Variants in NASP observed in about 807,000 individuals in gnomAD.
NASP encodes the protein NASP histone chaperone.
In NASP, 24 loss-of-function variants were observed where a neutral mutation model predicts 89.5. The ratio of observed to expected loss-of-function variants is 0.27; its 90% CI spans 0.19 to 0.38. The LOEUF is 0.38. NASP is among the 10% of genes least tolerant of loss of function. The probability of loss-of-function intolerance (pLI) is 1.00; values close to 1 mark genes in which losing one functional copy is unlikely to be tolerated. For synonymous variants in NASP, 306 were observed against 324.7 expected (o/e 0.94, Z 0.62); for missense variants, 848 against 921.4 (o/e 0.92, Z 1.03).
chr1:45,615,800 T>G (rs1644095342), intron 11 of NASP: 2 of 242,462 alleles, frequency 8.2e-6, no homozygotes, highest in African/African-American at 4.6e-5. Flanking sequence ...TTTTGGAATA[T>G]TTGCATCATA....
intron 7 of NASP, among the ~76,000 whole-genome samples, chr1:45,613,722 A>G (rs916995787): frequency 1.3e-5 from 2 of 152,006 alleles, no homozygotes; most frequent in African/African-American, 4.8e-5. Flanking sequence ...ACCTGGCTTC[A>G]AGTTATTCTC....
At chr1:45,606,718 A>C (rs557335595) in intron 5 of NASP, 127 bp downstream of exon 5, 1 of 583,070 alleles carries the variant, frequency 1.7e-6, no homozygotes, top group South Asian at 2.5e-5. Context: ...TGATGCCTGC[A>C]TCTGGTGGAG....
In NASP at chr1:45,591,281, T is replaced by C; in HGVS notation, c.107+11T>C. On this transcript the variant is annotated intron_variant, in intron 2 of 14. Transcript: ENST00000350030. ...AGATAAAGTGGAGAGGTAAGATTAT[T>C]TACATGGTAGTTAGATTCGTATCAG... is the stretch of plus-strand genomic sequence containing the variant. The C allele has an allele frequency of 6.7e-7, 1 of 1,494,256 alleles. No homozygotes were observed. The allele number at this position is 1,494,256 out of a possible 1,614,324, so 92.6% of individuals were successfully genotyped here. A position where few individuals can be genotyped will look rare whatever the true frequency, so the allele number is the denominator to read the frequency against.
At chr1:45,611,922 C>G (rs1644020715) in intron 6 of NASP, 1 of 135,024 alleles carries the variant, frequency 7.4e-6, no homozygotes. Context: ...TGCAGTGGTG[C>G]GATAATCCGC....
chr1:45,594,886 A>T (rs1643649515), intron 2 of NASP: 1 of 288,368 alleles, frequency 3.5e-6, no homozygotes. Flanking sequence ...CTCACCTTAA[A>T]TTTATAACCT....
rs781404843 is a variant in NASP, at chr1:45,615,136, A to G, written c.1790A>G (p.Asn597Ser). Residue 597 changes from asparagine (N) to serine (S), a missense_variant, in exon 10 of 15, where the codon AAC becomes AGC. Physicochemically the swap from Asn to Ser is conservative, Grantham distance 46 (BLOSUM62 1). Transcript: ENST00000350030. Reference protein sequence around the residue: ...HYQLGLAYGYNSQYDEAVAQF... With the variant: ...HYQLGLAYGYSSQYDEAVAQF... ...CAGCTGGGCTTGGCTTATGGGTACA[A>G]CTCTCAGTATGATGAGGCAGTGGCA... 14 of 1,614,070 alleles carry G rather than the reference A, an allele frequency of 8.7e-6. No homozygotes were observed. In the South Asian group the frequency reaches 1.2e-4, roughly 14 times the overall value.
chr1:45,603,604 G>GGT (rs1643877247), intron 3 of NASP, among the ~76,000 whole-genome samples: 3 of 82,070 alleles, frequency 3.7e-5, no homozygotes, highest in African/African-American at 1.4e-4. Context: ...AGTATTTAGA[G>GGT]ATTTTTTTTT....
At chr1:45,601,745 ATTTTTTTTTTTTTTTT>A (rs71056316) in intron 2 of NASP, among the ~76,000 whole-genome samples, 1 of 68,930 alleles carries the variant, frequency 1.5e-5, no homozygotes, top group African/African-American at 6.1e-5. Context: ...CGTTAAGAGA[ATTTTTTTTTTTTTTTT>A]TTTTTTTTTT....
At chr1:45,609,525 C>A (rs753357946) in intron 6 of NASP, 9 of 152,014 alleles carry the variant, frequency 5.9e-5, no homozygotes, top group East Asian at 1.9e-4. Context: ...ACCACACACA[C>A]AAAAAAACAA....
At chr1:45,614,939 GA>G (rs1330096601) in intron 9 of NASP, 73 bp from the exon 10 acceptor site, 6 of 1,285,224 alleles carry the variant, frequency 4.7e-6, no homozygotes, top group Non-Finnish European at 6.5e-6. Context: ...ATTCCCATAG[GA>G]TGGGTCTGAA....
chr1:45,614,297 G>C lies in NASP; in HGVS notation c.1597G>C (p.Glu533Gln). 1 of 1,613,716 alleles carries C rather than the reference G, an allele frequency of 6.2e-7. No homozygotes were observed. The highest frequency in any genetic ancestry group is 8.5e-7 in the Non-Finnish European group (1 of 1,179,676). Residue 533 changes from glutamate to glutamine, a missense_variant, in exon 9 of 15, where the codon GAA becomes CAA. This residue lies in a region of NASP where 60 missense variants were observed against 114.6 expected (regional missense o/e 0.52). Transcript: ENST00000350030. ...DLAKIIFKRQ[E>Q]TKEAQLYAAQ... is the part of the protein sequence containing the mutation. ...GATCAATTTTCCTTCTTTTAGGCAA[G>C]AAACAAAAGAAGCACAGCTTTATGC...
At chr1:45,606,425 G>A in intron 4 of NASP, 57 bp from the exon 5 acceptor site, 1 of 1,271,886 alleles carries the variant, frequency 7.9e-7, no homozygotes, top group South Asian at 1.2e-5. Flanking sequence ...TTCTGTCTTA[G>A]AAAAAATTGC....
At position 45,595,355 on chromosome 1, in the gene NASP, C is replaced by A. The variant is rs531172187; in HGVS notation, c.107+4085C>A. Among the ~76,000 whole-genome samples the A allele has an allele frequency of 2.0e-5, 3 of 152,142 alleles. No homozygotes were observed. The East Asian group carries it at 5.8e-4, about 29-fold the overall frequency. ...ATTCTTAAACATTCAACACCATACC[C>A]GTCATCTTGCTTTTACCTGATGATT... On this transcript the variant is annotated intron_variant, in intron 2 of 14. Coordinates refer to ENST00000350030, the MANE Select transcript of NASP (RefSeq NM_002482.4).
chr1:45,589,614 A>C (rs1018708198), intron 1 of NASP, among the ~76,000 whole-genome samples: 17 of 152,114 alleles, frequency 1.1e-4, no homozygotes, highest in African/African-American at 4.1e-4. Flanking sequence ...AAATAACTGG[A>C]TCAGGCTGGG....
chr1:45,612,712 T>G (rs1569602777), intron 6 of NASP: 1 of 152,984 alleles, frequency 6.5e-6, no homozygotes, highest in African/African-American at 2.4e-5. Context: ...AGCTAGTCTC[T>G]TGAGCATTCT....
In NASP at chr1:45,602,338, A is replaced by G. The variant is rs201781475; in HGVS notation, c.191A>G (p.Asn64Ser). The G allele has an allele frequency of 9.4e-5, 151 of 1,613,644 alleles. 1 individual carries two copies. Among genetic ancestry groups the G allele is most frequent in the Middle Eastern group, 1.7e-4 (1 of 6,060 alleles). Reference sequence around the variant, plus strand: ...ATGGGGGATATTCCAGCAGCTGTCAATGCATTCCAGGAAGCAGCTAGTCTT... The same window carrying G: ...ATGGGGGATATTCCAGCAGCTGTCAGTGCATTCCAGGAAGCAGCTAGTCTT... Reference protein sequence around the residue: ...LVMGDIPAAVNAFQEAASLLG... With the variant: ...LVMGDIPAAVSAFQEAASLLG... Residue 64 changes from asparagine (N) to serine (S), a missense_variant, in exon 3 of 15, where the codon AAT becomes AGT. Transcript: ENST00000350030.
chr1:45,597,298 CTTT>C lies in NASP; in HGVS notation c.108-4935_108-4933del, dbSNP rs71056314. Among the ~76,000 whole-genome samples, 72 of 99,866 alleles carry C rather than the reference CTTT, an allele frequency of 7.2e-4. No individual in the cohort carries two copies. The East Asian group carries it at 0.021, about 29-fold the overall frequency. 65.5% of individuals were successfully genotyped at this position (99,866 alleles called of 152,430 possible). A position where few individuals can be genotyped will look rare whatever the true frequency, so the allele number is the denominator to read the frequency against. On this transcript the variant is annotated intron_variant, in intron 2 of 14. Transcript: ENST00000350030. ...CTCTAGCCTGGGCGACAGAGCAAGACTTTTTTTTTTTTTTTTTTTTTTTTAAGA... is the reference window on the plus strand; with the variant it reads ...CTCTAGCCTGGGCGACAGAGCAAGACTTTTTTTTTTTTTTTTTTTTTAAGA...
At chr1:45,588,752 C>T (rs563946928) in intron 1 of NASP, 2 of 304,444 alleles carry the variant, frequency 6.6e-6, no homozygotes, top group South Asian at 2.4e-5. Flanking sequence ...TCCTGGCTAA[C>T]ACGGTGAAAC....
intron 7 of NASP, among the ~76,000 whole-genome samples, 155 bp from the exon 8 acceptor site, chr1:45,613,941 G>A (rs931433665): frequency 6.6e-6 from 1 of 152,198 alleles, no homozygotes; most frequent in African/African-American, 2.4e-5. Context: ...ACATGGTCAT[G>A]ACTTAAGACA....
Sources: allele counts gnomAD v4.1 joint callset (sites outside exome capture counted in the v4.1 genomes callset), GRCh38; gene constraint gnomAD v4.1.1; regional missense constraint gnomAD v4.1.1; transcripts MANE v1.5; gene names NCBI Gene and HGNC (gene_info 2026-07-23, HGNC 2026-07-21).